The following SPEG variants were observed in gnomAD, a reference collection of about 807,000 sequenced individuals.
The protein encoded by SPEG is striated muscle preferentially expressed protein kinase.
A neutral mutation model predicts 300.4 loss-of-function variants in SPEG; 114 were observed. That is an observed-to-expected ratio of 0.38 (90% CI 0.33 to 0.44). SPEG has a LOEUF of 0.44. Among genes scored for constraint, SPEG ranks in the 20% least tolerant of loss-of-function variants. The pLI, the probability that SPEG is intolerant of heterozygous loss-of-function variation, is 1.00. For synonymous variants in SPEG, 1,964 were observed against 2,018.9 expected, an observed-to-expected ratio of 0.97 and a Z score of 0.73; for missense variants, 4,201 against 4,586.2, an observed-to-expected ratio of 0.92 and a Z score of 2.43.
At chr2:219,461,651 C>G in intron 6 of SPEG, 2 of 851,794 alleles carry the variant, frequency 2.3e-6, no homozygotes, top group South Asian at 4.1e-5. Flanking sequence ...GGTGTCCCCT[C>G]CTGGGAGGAT....
rs117901701 is a variant in SPEG at position 219,474,170 on chromosome 2, G to T, written c.4447+267G>T. ...ACACAGGTGGATTACCTGAGGTCAG[G>T]AGTTCGTGACCAGCCTCGCCAACAT... On this transcript the variant is annotated intron_variant, in intron 18 of 40. Coordinates refer to ENST00000312358, the MANE Select transcript of SPEG (RefSeq NM_005876.5). The T allele has an allele frequency of 7.0e-3, 2,419 of 345,446 alleles. 56 individuals are homozygous for T. Among genetic ancestry groups the T allele is most frequent in the East Asian group, 0.055 (1,139 of 20,664 alleles). The allele number at this position is 345,446 out of a possible 1,614,324, so 21.4% of individuals were successfully genotyped here.
At chr2:219,441,909 G>A in intron 1 of SPEG, 2 of 220,256 alleles carry the variant, frequency 9.1e-6, no homozygotes, top group Non-Finnish European at 8.8e-6. Context: ...CCCCCACCCG[G>A]CTCCCGAGGC....
chr2:219,468,843 C>T lies in SPEG; in HGVS notation c.3302-16C>T, dbSNP rs570665260. ...TCACTGTGCCTGCTCTGCATTCCCA[C>T]CCCTCCTTTCTGCAGGCTGCCCCAT... On this transcript the variant is annotated splice_polypyrimidine_tract_variant and intron_variant, in intron 11 of 40. Coordinates refer to ENST00000312358, the MANE Select transcript of SPEG (RefSeq NM_005876.5). 1.9e-6 allele frequency: 3 copies of T among 1,609,410 alleles called. No individual in the cohort carries two copies. The highest frequency in any genetic ancestry group is 2.7e-5 in the African/African-American group (2 of 75,012).
chr2:219,484,940 A>T lies in SPEG; in HGVS notation c.7477A>T (p.Arg2493Trp). The change falls in exon 30 of 41, where the codon AGG (arginine) becomes TGG (tryptophan). Residue 2493 changes from arginine to tryptophan, a missense_variant. Arg to Trp is a moderately radical substitution (Grantham distance 101). Transcript: ENST00000312358. Reference sequence around the variant, plus strand: ...CACGCCGCTGTTCGGACGGCTTCGCAGGGCCACGTCCGAGGGCGAGAGTCT... The same window carrying T: ...CACGCCGCTGTTCGGACGGCTTCGCTGGGCCACGTCCGAGGGCGAGAGTCT... ...RSTPLFGRLR[R>W]ATSEGESLRR... The T allele has an allele frequency of 6.5e-7, 1 of 1,529,246 alleles. No individual in the cohort carries two copies. Among genetic ancestry groups the T allele is most frequent in the Non-Finnish European group, 8.7e-7 (1 of 1,144,444 alleles). The allele number at this position is 1,529,246 out of a possible 1,614,324, so 94.7% of individuals were successfully genotyped here. A position where few individuals can be genotyped will look rare whatever the true frequency, so the allele number is the denominator to read the frequency against.
At position 219,443,170 on chromosome 2, in the gene SPEG, C is replaced by T; in HGVS notation, c.389-1483C>T. On this transcript the variant is annotated intron_variant, in intron 1 of 40. Coordinates refer to ENST00000312358, the MANE Select transcript of SPEG (RefSeq NM_005876.5). This position sits in a 1 kb window ranked among gnomAD's most constrained non-coding sequence, Gnocchi z 4.6. ...CCCATGGTGCGTGGACCGTGGGCGT[C>T]CTTGCTCTAGCCCATGCCTACTCCT... is the stretch of plus-strand genomic sequence containing the variant. 2 of 1,612,008 alleles carry T rather than the reference C, an allele frequency of 1.2e-6. No individual in the cohort carries two copies. Among genetic ancestry groups the T allele is most frequent in the Non-Finnish European group, 1.7e-6 (2 of 1,179,124 alleles).
chr2:219,480,177 G>T lies in SPEG; in HGVS notation c.5342+37G>T. 6.2e-7 allele frequency: 1 copy of T among 1,606,872 alleles called. No individual in the cohort carries two copies. On this transcript the variant is annotated intron_variant, in intron 25 of 40. Coordinates refer to ENST00000312358, the MANE Select transcript of SPEG (RefSeq NM_005876.5). This position sits in a 1 kb window ranked among gnomAD's most constrained non-coding sequence, Gnocchi z 5.3. ...ATGCTGGGCTGGGCCGACCAGGGCA[G>T]CTGCCCTTGGGGCTGTGCTGGGGAC... is the stretch of plus-strand genomic sequence containing the variant.
chr2:219,440,913 C>T (rs1405244943), intron 1 of SPEG, among the ~76,000 whole-genome samples: 1 of 152,230 alleles, frequency 6.6e-6, no homozygotes, highest in Non-Finnish European at 1.5e-5. Context: ...TTGGCACTAC[C>T]TGTGCTCACT....
rs539538250 is a variant in SPEG at position 219,456,497 on chromosome 2, G to A, written c.2440+4690G>A. On this transcript the variant is annotated intron_variant, in intron 6 of 40. Transcript: ENST00000312358. ...GGCCTGCCTGACAGGTGGCCTCCCC[G>A]AAGCTGGTACCTAGAACGGGGGCCA... 2.2e-4 allele frequency among the ~76,000 whole-genome samples: 34 copies of A among 152,382 alleles called. No individual in the cohort carries two copies. In the South Asian group the frequency reaches 4.8e-3, roughly 21 times the overall value.
At chr2:219,442,510 G>A (rs1688998455) in intron 1 of SPEG, among the ~76,000 whole-genome samples, 1 of 126,692 alleles carries the variant, frequency 7.9e-6, no homozygotes, top group South Asian at 2.7e-4. Flanking sequence ...CAACGCACAC[G>A]GATCCGCGCT....
In SPEG at chr2:219,492,340, C is replaced by G; in HGVS notation, c.9611+80C>G. On this transcript the variant is annotated intron_variant, in intron 40 of 40. Coordinates refer to ENST00000312358, the MANE Select transcript of SPEG (RefSeq NM_005876.5). ...TGTGCCAGAGATCTCCCAGCTCCTC[C>G]CCTGCTCCTAGGAAGAAGTCTGCTG... 4.8e-6 allele frequency: 7 copies of G among 1,467,740 alleles called. No individual in the cohort carries two copies. The South Asian group carries it at 8.7e-5, about 18-fold the overall frequency. The allele number at this position is 1,467,740 out of a possible 1,614,324, so 90.9% of individuals were successfully genotyped here. A position where few individuals can be genotyped will look rare whatever the true frequency, so the allele number is the denominator to read the frequency against.
At position 219,448,106 on chromosome 2, in the gene SPEG, C is replaced by A; in HGVS notation, c.948C>A (p.Val316=). ...SALLPPPSPR[V]GKRSPPGPPA... ...TGCTCCCCCCACCGTCCCCTCGGGT[C>A]GGGAAGCGGTCCCCGCCGGGACCCC... The change falls in exon 4 of 41, where the codon GTC becomes GTA. Residue 316 remains valine (V), a synonymous_variant. Coordinates refer to ENST00000312358, the MANE Select transcript of SPEG (RefSeq NM_005876.5). The A allele has an allele frequency of 6.2e-7, 1 of 1,602,826 alleles. No individual in the cohort carries two copies. Among genetic ancestry groups the A allele is most frequent in the Non-Finnish European group, 8.5e-7 (1 of 1,174,932 alleles).
At chr2:219,475,603 C>T (rs898856377) in intron 18 of SPEG, among the ~76,000 whole-genome samples, 2 of 152,196 alleles carry the variant, frequency 1.3e-5, no homozygotes, top group Admixed American at 6.5e-5. Flanking sequence ...GCACTCTCCA[C>T]TCAGTCACCA....
In SPEG at chr2:219,484,459, G is replaced by T; in HGVS notation, c.6996G>T (p.Val2332=). ...SSIENLESEA[V]FEAKFKRSRE... is the part of the protein sequence containing the mutation. Reference sequence around the variant, plus strand: ...TCGAAAACTTGGAGTCGGAGGCCGTGTTCGAGGCCAAGTTCAAGCGCAGCC... The same window carrying T: ...TCGAAAACTTGGAGTCGGAGGCCGTTTTCGAGGCCAAGTTCAAGCGCAGCC... The change falls in exon 30 of 41, where the codon GTG becomes GTT. Residue 2332 remains valine (V), a synonymous_variant. Transcript: ENST00000312358. 1 of 1,611,264 alleles carries T rather than the reference G, an allele frequency of 6.2e-7. No homozygotes were observed. The highest frequency in any genetic ancestry group is 1.3e-5 in the African/African-American group (1 of 75,034).
At position 219,479,230 on chromosome 2, in the gene SPEG, T is replaced by C. The variant is rs1575154955; in HGVS notation, c.5085+29T>C. 7 of 1,601,762 alleles carry C rather than the reference T, an allele frequency of 4.4e-6. No homozygotes were observed. In the Admixed American group the frequency reaches 5.0e-5, roughly 11 times the overall value. On this transcript the variant is annotated intron_variant, in intron 23 of 40. Coordinates refer to ENST00000312358, the MANE Select transcript of SPEG (RefSeq NM_005876.5). The surrounding 1 kb of genome is among the most constrained non-coding windows in gnomAD (Gnocchi z 5.5). ...AGGGCAGTGGGTGGCAGGGGCCAGGTTGGGCACCAGCCTTCACCCACCTGA... is the reference window on the plus strand; with the variant it reads ...AGGGCAGTGGGTGGCAGGGGCCAGGCTGGGCACCAGCCTTCACCCACCTGA...
At chr2:219,452,473 G>C (rs1689835626) in intron 6 of SPEG, among the ~76,000 whole-genome samples, 1 of 152,170 alleles carries the variant, frequency 6.6e-6, no homozygotes, top group African/African-American at 2.4e-5. Flanking sequence ...AGCTCATTCA[G>C]CTTGCGGGGC....
chr2:219,435,408 T>G, intron 1 of SPEG, 43 bp downstream of exon 1: 1 of 1,502,850 alleles, frequency 6.7e-7, no homozygotes, highest in Admixed American at 2.2e-5. Flanking sequence ...GGCGGGGTGC[T>G]CAGAGGTAGA....
chr2:219,448,232 C>A lies in SPEG; in HGVS notation c.1074C>A (p.Ser358=). The part of the protein sequence containing the change: ...TTTEEKRGKK[S]KSSGPSLAGT... ...CCGAAGAGAAGCGAGGGAAGAAGTC[C>A]AAGTCGTCCGGGCCCTCCCTGGCGG... Residue 358 remains serine, a synonymous_variant, in exon 4 of 41, where the codon TCC becomes TCA. Coordinates refer to ENST00000312358, the MANE Select transcript of SPEG (RefSeq NM_005876.5). 6.2e-7 allele frequency: 1 copy of A among 1,612,532 alleles called. No individual in the cohort carries two copies.
rs1039741622 is a variant in SPEG at position 219,477,183 on chromosome 2, T to A, written c.4561-94T>A. The A allele has an allele frequency of 4.5e-6, 2 of 443,410 alleles. No homozygotes were observed. The highest frequency in any genetic ancestry group is 7.6e-6 in the Non-Finnish European group (2 of 264,314). The allele number at this position is 443,410 out of a possible 1,614,324, so 27.5% of individuals were successfully genotyped here. ...GGGAGGAGCTGACTCTGGGTCCTGG[T>A]GAGAGATGCGCTGCCCAGAGTAGGA... On this transcript the variant is annotated intron_variant, in intron 19 of 40. Transcript: ENST00000312358. This position sits in a 1 kb window ranked among gnomAD's most constrained non-coding sequence, Gnocchi z 6.4.
At chr2:219,488,149 G>T (rs1447370591) in intron 31 of SPEG, 45 bp from the exon 32 acceptor site, 2 of 1,357,948 alleles carry the variant, frequency 1.5e-6, no homozygotes, top group Non-Finnish European at 2.1e-6. Context: ...CAGTAAGTGG[G>T]CCAGGGTCCC....
Sources: gnomAD v4.1 joint callset for allele counts (sites outside exome capture counted in the v4.1 genomes callset) on GRCh38, gnomAD v4.1.1 for gene constraint, Gnocchi (gnomAD v3.1) non-coding constraint, MANE v1.5 for transcripts, NCBI Gene and HGNC (gene_info 2026-07-23, HGNC 2026-07-21) for gene names.